FRMD4B: variants seen among roughly 807,000 people sequenced by gnomAD.
FRMD4B encodes FERM domain-containing protein 4B.
In FRMD4B, 74 loss-of-function variants were observed where a neutral mutation model predicts 141.5. The ratio of observed to expected loss-of-function variants is 0.52; its 90% CI spans 0.43 to 0.63. FRMD4B has a LOEUF of 0.63. Among genes scored for constraint, FRMD4B ranks in the 30% least tolerant of loss-of-function variants. The pLI is 0.00. For missense variants in FRMD4B, 1,366 were observed against 1,253.4 expected (o/e 1.09, Z -1.36); for synonymous variants, 506 against 467.9 (o/e 1.08, Z -1.05).
chr3:69,329,047 G>A (rs1439247201), intron 1 of FRMD4B, among the ~76,000 whole-genome samples: 2 of 151,994 alleles, frequency 1.3e-5, no homozygotes, highest in Admixed American at 1.3e-4. Flanking sequence ...AGAACTCTTG[G>A]GCTCTGGATC....
intron 1 of FRMD4B, among the ~76,000 whole-genome samples, chr3:69,442,096 CTT>C (rs555745880): frequency 9.8e-5 from 14 of 142,274 alleles, no homozygotes; most frequent in Non-Finnish European, 7.7e-5. Flanking sequence ...AAAGAAGTTT[CTT>C]TTTTTTTTTT....
chr3:69,338,885 G>C (rs1702642884), intron 1 of FRMD4B, among the ~76,000 whole-genome samples: 1 of 152,100 alleles, frequency 6.6e-6, no homozygotes, highest in Non-Finnish European at 1.5e-5. Context: ...TCAAATTAGT[G>C]AATAGCTATA....
intron 1 of FRMD4B, among the ~76,000 whole-genome samples, chr3:69,361,627 T>A (rs1703473781): frequency 6.6e-6 from 1 of 152,242 alleles, no homozygotes; most frequent in African/African-American, 2.4e-5. Context: ...TGGCTTCTTT[T>A]ACTGAGCAAA....
intron 1 of FRMD4B, among the ~76,000 whole-genome samples, chr3:69,452,870 T>C (rs4855409): frequency 0.28 from 42,928 of 151,920 alleles, 6,375 homozygotes; most frequent in East Asian, 0.55. Context: ...GAAAGAAAAA[T>C]AGAATAAGTT....
At chr3:69,240,524 A>T (rs1163179294) in intron 7 of FRMD4B, among the ~76,000 whole-genome samples, 1 of 151,730 alleles carries the variant, frequency 6.6e-6, no homozygotes, top group Non-Finnish European at 1.5e-5. Flanking sequence ...TAAAAGAAAA[A>T]CAATCAATGC....
Position 69,181,575 on chromosome 3 carries a change from G to T in FRMD4B, c.2175C>A (p.Ile725=). The T allele has an allele frequency of 1.2e-6, 2 of 1,613,894 alleles. No homozygotes were observed. Among genetic ancestry groups the T allele is most frequent in the Non-Finnish European group, 1.7e-6 (2 of 1,179,842 alleles). Reference sequence around the variant, plus strand: ...TTGTATAAGAAGACCCGTCATCGAGGATTTCTGTGCTGCTGCTTCTTTGGG... The same window carrying T: ...TTGTATAAGAAGACCCGTCATCGAGTATTTCTGTGCTGCTGCTTCTTTGGG... ...SKSQRSSSTE[I]LDDGSSYTSQ... is the part of the protein sequence containing the mutation. The change falls in exon 21 of 23, where the codon ATC becomes ATA. Residue 725 remains isoleucine, a synonymous_variant. Coordinates refer to ENST00000398540, the MANE Select transcript of FRMD4B (RefSeq NM_015123.3).
At position 69,170,330 on chromosome 3, in the gene FRMD4B, C is replaced by G. The variant is rs2092571793; in HGVS notation, c.*1531G>C. 1 of 151,846 alleles carries G rather than the reference C, an allele frequency of 6.6e-6. No individual in the cohort carries two copies. Among genetic ancestry groups the G allele is most frequent in the South Asian group, 2.1e-4 (1 of 4,830 alleles). The allele number at this position is 151,846 out of a possible 1,614,324, so 9.4% of individuals were successfully genotyped here. A position where few individuals can be genotyped will look rare whatever the true frequency, so the allele number is the denominator to read the frequency against. ...AATAATAGGTCTTGAAAAGTCAGAA[C>G]AATAAAAGAATATGCAAAAAGGTTA... On this transcript the variant is annotated 3_prime_UTR_variant, in exon 23 of 23. Coordinates refer to ENST00000398540, the MANE Select transcript of FRMD4B (RefSeq NM_015123.3).
At chr3:69,294,060 C>T (rs1700964076) in intron 4 of FRMD4B, among the ~76,000 whole-genome samples, 1 of 152,102 alleles carries the variant, frequency 6.6e-6, no homozygotes, top group Admixed American at 6.6e-5. Context: ...CTTTGTTTCC[C>T]AGGGCCTTTG....
In FRMD4B at chr3:69,174,272, T is replaced by C. The variant is rs975220729; in HGVS notation, c.2984+2252A>G. 9.8e-5 allele frequency among the ~76,000 whole-genome samples: 15 copies of C among 152,312 alleles called. No homozygotes were observed. The East Asian group carries it at 2.7e-3, about 27-fold the overall frequency. On this transcript the variant is annotated intron_variant, in intron 22 of 22. Transcript: ENST00000398540. Reference sequence around the variant, plus strand: ...GGTATATTTGAGTGGAATATCATATTGGTCATATAAAATAAGGTTTAAAGA... The same window carrying C: ...GGTATATTTGAGTGGAATATCATATCGGTCATATAAAATAAGGTTTAAAGA...
intron 1 of FRMD4B, among the ~76,000 whole-genome samples, chr3:69,516,020 T>C (rs1029374547): frequency 6.6e-6 from 1 of 151,388 alleles, no homozygotes; most frequent in Admixed American, 6.6e-5. Flanking sequence ...GGGCTAGGAG[T>C]TCAAGACCAG....
At chr3:69,218,050 T>G (rs1268981133) in intron 10 of FRMD4B, among the ~76,000 whole-genome samples, 1 of 152,020 alleles carries the variant, frequency 6.6e-6, no homozygotes, top group Non-Finnish European at 1.5e-5. Flanking sequence ...CACTCTCAAA[T>G]GAAGATCTGG....
At chr3:69,316,852 T>C (rs1701817474) in intron 1 of FRMD4B, among the ~76,000 whole-genome samples, 1 of 152,250 alleles carries the variant, frequency 6.6e-6, no homozygotes, top group Non-Finnish European at 1.5e-5. Context: ...CTGGGTGTGT[T>C]GGCTCACACC....
At chr3:69,211,546 C>CTGCTGGGAGA in intron 11 of FRMD4B, among the ~76,000 whole-genome samples, 1 of 152,316 alleles carries the variant, frequency 6.6e-6, no homozygotes, top group South Asian at 2.1e-4. Context: ...CTGAAGGTCA[C>CTGCTGGGAGA]TGCTGGGAGA....
At chr3:69,179,286 C>A (rs1001151810) in intron 21 of FRMD4B, among the ~76,000 whole-genome samples, 3 of 152,092 alleles carry the variant, frequency 2.0e-5, no homozygotes, top group Non-Finnish European at 2.9e-5. Context: ...CAGTTAACAC[C>A]TGCTTCCCCC....
chr3:69,263,396 CTTTTTTTT>C (rs67497031), intron 5 of FRMD4B, among the ~76,000 whole-genome samples: 8 of 72,922 alleles, frequency 1.1e-4, no homozygotes, highest in South Asian at 4.9e-4. Flanking sequence ...GTTACATGCA[CTTTTTTTT>C]TTTTTTTTTT....
chr3:69,204,019 G>T (rs2107680825), intron 11 of FRMD4B, among the ~76,000 whole-genome samples: 1 of 152,182 alleles, frequency 6.6e-6, no homozygotes, highest in African/African-American at 2.4e-5. Flanking sequence ...ATTTCATTGG[G>T]GGTTTCCTGA....
chr3:69,481,041 G>A (rs984422282), intron 1 of FRMD4B, among the ~76,000 whole-genome samples: 6 of 152,158 alleles, frequency 3.9e-5, no homozygotes, highest in African/African-American at 9.7e-5. Flanking sequence ...CTCCTGGTGC[G>A]CCGTTTTTTA....
intron 11 of FRMD4B, among the ~76,000 whole-genome samples, chr3:69,215,265 T>C (rs1329606589): frequency 7.1e-6 from 1 of 140,636 alleles, no homozygotes; most frequent in Non-Finnish European, 1.5e-5. Context: ...GAAATCCAAA[T>C]CTGATAGATT....
intron 2 of FRMD4B, among the ~76,000 whole-genome samples, chr3:69,400,328 G>C (rs1039960274): frequency 1.9e-4 from 29 of 152,006 alleles, no homozygotes; most frequent in African/African-American, 6.5e-4. Context: ...TGAGCTATGA[G>C]CTATGATCAC....
Sources: gnomAD v4.1 joint callset for allele counts (sites outside exome capture counted in the v4.1 genomes callset) on GRCh38, gnomAD v4.1.1 for gene constraint, MANE v1.5 for transcripts, NCBI Gene and HGNC (gene_info 2026-07-23, HGNC 2026-07-21) for gene names.